ARMH3: variants seen among roughly 807,000 people sequenced by gnomAD.
The protein encoded by ARMH3 is armadillo like helical domain containing 3.
ARMH3 carries 60 observed loss-of-function variants against 99.1 expected under a neutral mutation model. The ratio of observed to expected loss-of-function variants is 0.61; its 90% CI spans 0.49 to 0.75. The LOEUF (loss-of-function observed/expected upper bound fraction) is 0.75. Ranked by LOEUF, ARMH3 falls within the 30% of genes least tolerant of loss-of-function variation. The pLI is 0.00. For synonymous variants in ARMH3, 285 were observed against 292.8 expected, an observed-to-expected ratio of 0.97 and a Z score of 0.27; for missense variants, 679 against 843.1, an observed-to-expected ratio of 0.81 and a Z score of 2.41.
intron 19 of ARMH3, among the ~76,000 whole-genome samples, chr10:101,984,509 G>A (rs1421350667): frequency 6.6e-6 from 1 of 151,976 alleles, no homozygotes; most frequent in African/African-American, 2.4e-5. Context: ...CCTCTCGTAT[G>A]GCCTGGGTCT....
chr10:101,983,192 C>T (rs903526503), intron 19 of ARMH3, among the ~76,000 whole-genome samples: 4 of 152,222 alleles, frequency 2.6e-5, no homozygotes, highest in African/African-American at 4.8e-5. Flanking sequence ...GCATGATTAG[C>T]GAGCTGGGCT....
chr10:101,928,991 A>G (rs1214945342), intron 23 of ARMH3, among the ~76,000 whole-genome samples: 1 of 152,198 alleles, frequency 6.6e-6, no homozygotes, highest in Non-Finnish European at 1.5e-5. Context: ...TCAGCCTCCC[A>G]AAGTGCTGGG....
chr10:101,847,451 C>A lies in ARMH3; in HGVS notation c.*77G>T. The A allele has an allele frequency of 6.9e-7, 1 of 1,451,156 alleles. No homozygotes were observed. The highest frequency in any genetic ancestry group is 9.7e-7 in the Non-Finnish European group (1 of 1,034,438). 89.9% of individuals were successfully genotyped at this position (1,451,156 alleles called of 1,614,324 possible). On this transcript the variant is annotated 3_prime_UTR_variant, in exon 26 of 26. Coordinates refer to ENST00000370033, the MANE Select transcript of ARMH3 (RefSeq NM_024541.3). ...TTCTCTCCAACCTCGGGGGCAGCCCCCTCTCCCCTCGCTCCCCCTCCAGCC... is the reference window on the plus strand; with the variant it reads ...TTCTCTCCAACCTCGGGGGCAGCCCACTCTCCCCTCGCTCCCCCTCCAGCC...
At chr10:101,985,203 T>C (rs532778490) in intron 19 of ARMH3, among the ~76,000 whole-genome samples, 58 of 146,062 alleles carry the variant, frequency 4.0e-4, no homozygotes, top group Non-Finnish European at 7.7e-4. Context: ...TGTATATATA[T>C]ACGTATATAT....
intron 8 of ARMH3, among the ~76,000 whole-genome samples, chr10:102,020,433 T>C (rs568743955): frequency 1.3e-5 from 2 of 151,960 alleles, no homozygotes; most frequent in African/African-American, 2.4e-5. Context: ...TCCAAGCACT[T>C]TGGGAGGCCG....
chr10:102,001,297 A>G (rs1341102079), intron 15 of ARMH3, among the ~76,000 whole-genome samples: 1 of 152,180 alleles, frequency 6.6e-6, no homozygotes, highest in African/African-American at 2.4e-5. Context: ...AAAAAAAACA[A>G]AACTAAGATA....
intron 20 of ARMH3, among the ~76,000 whole-genome samples, chr10:101,964,765 C>G (rs1364792309): frequency 6.6e-6 from 1 of 151,394 alleles, no homozygotes; most frequent in Admixed American, 6.6e-5. Flanking sequence ...AATCCCAGCA[C>G]TTTGGAGGCC....
At chr10:101,980,354 A>G (rs1478571174) in intron 19 of ARMH3, among the ~76,000 whole-genome samples, 1 of 152,116 alleles carries the variant, frequency 6.6e-6, no homozygotes, top group Admixed American at 6.5e-5. Context: ...GCTGGAGTGC[A>G]GTGGCATGAT....
At chr10:102,026,747 G>A (rs2067009500) in intron 5 of ARMH3, among the ~76,000 whole-genome samples, 1 of 152,158 alleles carries the variant, frequency 6.6e-6, no homozygotes, top group Non-Finnish European at 1.5e-5. Context: ...GTTAGTGACA[G>A]GAGACTAATG....
Position 101,855,775 on chromosome 10 carries a change from T to TTA in ARMH3, c.1861-5885_1861-5884dup, listed in dbSNP as rs912066360. On this transcript the variant is annotated intron_variant, in intron 24 of 25. Transcript: ENST00000370033. ...TATTTATGTATTATATATAAATATATTATATATATATAAAGAAAAAAATAA... is the reference window on the plus strand; with the variant it reads ...TATTTATGTATTATATATAAATATATTATATATATATATAAAGAAAAAAATAA... Among the ~76,000 whole-genome samples the TTA allele has an allele frequency of 3.3e-3, 482 of 147,190 alleles. 2 individuals are homozygous for TTA. The highest frequency in any genetic ancestry group is 8.6e-3 in the African/African-American group (348 of 40,610).
At chr10:101,975,597 G>A (rs897798340) in intron 19 of ARMH3, among the ~76,000 whole-genome samples, 1 of 152,156 alleles carries the variant, frequency 6.6e-6, no homozygotes, top group African/African-American at 2.4e-5. Context: ...CTGGCGTGGT[G>A]GTGCACGCCT....
chr10:101,920,232 G>A (rs1203646176), intron 23 of ARMH3, among the ~76,000 whole-genome samples: 1 of 152,164 alleles, frequency 6.6e-6, no homozygotes, highest in Non-Finnish European at 1.5e-5. Flanking sequence ...AGGATGAAGT[G>A]ATGCTCAAAA....
chr10:101,966,597 A>C (rs1042547962), intron 20 of ARMH3, among the ~76,000 whole-genome samples: 2 of 152,004 alleles, frequency 1.3e-5, no homozygotes, highest in African/African-American at 4.8e-5. Flanking sequence ...GATCCATCTG[A>C]GAATCCTGCC....
intron 22 of ARMH3, among the ~76,000 whole-genome samples, chr10:101,947,661 G>A (rs1844598497): frequency 6.6e-6 from 1 of 152,120 alleles, no homozygotes; most frequent in Non-Finnish European, 1.5e-5. Flanking sequence ...TTAGCCGGGT[G>A]TGGTGGCGCA....
At chr10:102,019,018 A>G (rs552511000) in intron 8 of ARMH3, among the ~76,000 whole-genome samples, 9 of 152,110 alleles carry the variant, frequency 5.9e-5, no homozygotes, top group African/African-American at 1.9e-4. Context: ...ATGACAATAA[A>G]CGACTATGTT....
chr10:101,952,355 A>C (rs1844832228), intron 22 of ARMH3, among the ~76,000 whole-genome samples: 1 of 152,164 alleles, frequency 6.6e-6, no homozygotes, highest in African/African-American at 2.4e-5. Context: ...ACATTCTTGA[A>C]AACTATCAGG....
chr10:101,875,045 T>C (rs576735695), intron 24 of ARMH3, among the ~76,000 whole-genome samples: 28 of 152,274 alleles, frequency 1.8e-4, no homozygotes, highest in African/African-American at 6.7e-4. Context: ...GCGTACATAC[T>C]TCTGTACTTC....
intron 1 of ARMH3, among the ~76,000 whole-genome samples, chr10:102,048,601 A>T (rs1564885325): frequency 1.3e-5 from 2 of 151,716 alleles, no homozygotes; most frequent in Non-Finnish European, 2.9e-5. Context: ...TAATTTTAGT[A>T]TTTTTTTGTA....
At chr10:101,897,637 A>G (rs2067869825) in intron 23 of ARMH3, among the ~76,000 whole-genome samples, 1 of 152,010 alleles carries the variant, frequency 6.6e-6, no homozygotes, top group South Asian at 2.1e-4. Context: ...GTGTGGGGGA[A>G]TGTGTTTTAT....
Sources: allele counts gnomAD v4.1 joint callset (sites outside exome capture counted in the v4.1 genomes callset), GRCh38; gene constraint gnomAD v4.1.1; transcripts MANE v1.5; gene names NCBI Gene and HGNC (gene_info 2026-07-23, HGNC 2026-07-21).